The following PCBP4 variants were observed in gnomAD, a reference collection of about 807,000 sequenced individuals.
The protein encoded by PCBP4 is poly(rC) binding protein 4, also known as poly(rC)-binding protein 4.
Under a neutral mutation model 46.2 loss-of-function variants are expected in PCBP4, and 24 were observed. That is an observed-to-expected ratio of 0.52 (90% confidence interval 0.38 to 0.73). PCBP4 has a LOEUF of 0.73. Ranked by LOEUF, PCBP4 falls within the 30% of genes least tolerant of loss-of-function variation. The pLI is 0.00. For missense variants in PCBP4, 407 were observed against 537.0 expected, an observed-to-expected ratio of 0.76 and a Z score of 2.39; for synonymous variants, 203 against 224.4, an observed-to-expected ratio of 0.90 and a Z score of 0.85.
In PCBP4 at chr3:51,960,344, G is replaced by A. The variant is rs761830909; in HGVS notation, c.256-24C>T. On this transcript the variant is annotated intron_variant, in intron 6 of 13. Transcript: ENST00000461554. This position sits in a 1 kb window ranked among gnomAD's most constrained non-coding sequence, Gnocchi z 5.0. ...TCCTGGGACAGGGAGACGGTGGGTTGGCCATGCTCGTCCCTGCTATATCTG... is the reference window on the plus strand; with the variant it reads ...TCCTGGGACAGGGAGACGGTGGGTTAGCCATGCTCGTCCCTGCTATATCTG... 21 of 1,608,810 alleles carry A rather than the reference G, an allele frequency of 1.3e-5. No homozygotes were observed. Among genetic ancestry groups the A allele is most frequent in the Non-Finnish European group, 1.6e-5 (19 of 1,177,004 alleles).
chr3:51,961,702 C>T (rs1700187948), intron 2 of PCBP4: 1 of 986,408 alleles, frequency 1.0e-6, no homozygotes, highest in African/African-American at 1.7e-5. Flanking sequence ...GAAGAGGTAA[C>T]CTCTGTGGAT....
At chr3:51,964,657 G>A (rs1700332640) in intron 1 of PCBP4, among the ~76,000 whole-genome samples, 2 of 152,188 alleles carry the variant, frequency 1.3e-5, no homozygotes, top group Admixed American at 6.5e-5. Context: ...TGGTGGGGGT[G>A]GACCCTGGGC....
In PCBP4 at chr3:51,958,286, G is replaced by A. The variant is rs746288074; in HGVS notation, c.987C>T (p.Ala329=). Residue 329 remains alanine (A), a synonymous_variant, in exon 14 of 14, where the codon GCC becomes GCT. Transcript: ENST00000461554. The surrounding 1 kb of genome is among the most constrained non-coding windows in gnomAD (Gnocchi z 5.4). The part of the protein sequence containing the change: ...TPSSAPADLP[A]PFSPPLTALP... ...GGGCCGTCAGGGGTGGCGAGAAGGG[G>A]GCAGGCAGGTCTGCGGGGGCCGAGC... The A allele has an allele frequency of 6.4e-7, 1 of 1,565,804 alleles. No individual in the cohort carries two copies. Among genetic ancestry groups the A allele is most frequent in the Non-Finnish European group, 8.6e-7 (1 of 1,157,202 alleles).
At chr3:51,966,666 C>G (rs1700445483) in intron 1 of PCBP4, among the ~76,000 whole-genome samples, 1 of 152,000 alleles carries the variant, frequency 6.6e-6, no homozygotes, top group South Asian at 2.1e-4. Flanking sequence ...CCCCTGGGTG[C>G]TGGGGCCGGG....
intron 1 of PCBP4, among the ~76,000 whole-genome samples, chr3:51,962,395 G>A (rs1171727613): frequency 6.6e-6 from 1 of 151,882 alleles, no homozygotes; most frequent in Non-Finnish European, 1.5e-5. Flanking sequence ...CCTTAATCCT[G>A]CTTGGAAATC....
Position 51,958,146 on chromosome 3 carries a change from G to A in PCBP4, c.1127C>T (p.Pro376Leu), listed in dbSNP as rs779107800. 21 of 1,612,224 alleles carry A rather than the reference G, an allele frequency of 1.3e-5. No homozygotes were observed. The East Asian group carries it at 1.3e-4, about 10-fold the overall frequency. Reference protein sequence around the residue: ...LALPPASPGPPPGLAAYTAKM... With the variant: ...LALPPASPGPLPGLAAYTAKM... ...GGCAGTGTAGGCCGCCAAGCCCGGC[G>A]GCGGCCCTGGGGAAGCAGGTGGTAA... Residue 376 changes from proline to leucine, a missense_variant, in exon 14 of 14, where the codon CCG becomes CTG. Coordinates refer to ENST00000461554, the MANE Select transcript of PCBP4 (RefSeq NM_001174100.2). The surrounding 1 kb of genome is among the most constrained non-coding windows in gnomAD (Gnocchi z 5.4).
rs770759986 is a variant in PCBP4, at chr3:51,960,056, G to A, written c.388-33C>T. The A allele has an allele frequency of 1.2e-6, 2 of 1,614,216 alleles. No individual in the cohort carries two copies. The highest frequency in any genetic ancestry group is 8.5e-7 in the Non-Finnish European group (1 of 1,180,028). ...CAGAGAACAGGGGCCACTTCTGGCT[G>A]CTCCCATAACCCAGAAAAGGGCTGC... On this transcript the variant is annotated intron_variant, in intron 7 of 13. Transcript: ENST00000461554. The surrounding 1 kb of genome is among the most constrained non-coding windows in gnomAD (Gnocchi z 5.0).
chr3:51,965,799 T>A lies in PCBP4; in HGVS notation c.-213+1527A>T, dbSNP rs565596905. ...CATCCCCAGCCCTACTCCTGCCGTT[T>A]TACCAGGACTAGGAGCTCCCTAGGT... On this transcript the variant is annotated intron_variant, in intron 1 of 13. Coordinates refer to ENST00000461554, the MANE Select transcript of PCBP4 (RefSeq NM_001174100.2). Among the ~76,000 whole-genome samples, 41 of 152,280 alleles carry A rather than the reference T, an allele frequency of 2.7e-4. 1 individual carries two copies. In the South Asian group the frequency reaches 7.9e-3, roughly 29 times the overall value.
chr3:51,961,116 C>T (rs1473182127), intron 3 of PCBP4, 44 bp downstream of exon 3: 2 of 1,613,856 alleles, frequency 1.2e-6, no homozygotes, highest in Non-Finnish European at 1.7e-6. Flanking sequence ...TGAAACCCAG[C>T]CCAGCCCAGC....
rs1361908619 is a variant in PCBP4, at chr3:51,958,750, C to T, written c.923+40G>A. 6.3e-7 allele frequency: 1 copy of T among 1,589,010 alleles called. No individual in the cohort carries two copies. The highest frequency in any genetic ancestry group is 8.6e-7 in the Non-Finnish European group (1 of 1,166,908). On this transcript the variant is annotated intron_variant, in intron 13 of 13. Transcript: ENST00000461554. The surrounding 1 kb of genome is among the most constrained non-coding windows in gnomAD (Gnocchi z 5.4). The stretch of plus-strand genomic sequence containing the variant: ...CCTGCCTTTCTTGGGCACATGAGAA[C>T]CGTGACCTGCTCCCCCACTGCCGCC...
intron 2 of PCBP4, 156 bp from the exon 3 acceptor site, chr3:51,961,460 G>C (rs1700176446): frequency 1.1e-6 from 1 of 896,950 alleles, no homozygotes; most frequent in Non-Finnish European, 1.6e-6. Flanking sequence ...GGGTGCTTAT[G>C]TGTGTCTCAC....
At position 51,961,145 on chromosome 3, in the gene PCBP4, C is replaced by T. The variant is rs1700152844; in HGVS notation, c.81+15G>A. On this transcript the variant is annotated intron_variant, in intron 3 of 13. Transcript: ENST00000461554. ...GCCCAGCCTTGCCTCGCCTGGCCCT[C>T]CACCTCCCGCTCACCTTCCCGTGCA... The T allele has an allele frequency of 6.2e-7, 1 of 1,613,816 alleles. No homozygotes were observed. The highest frequency in any genetic ancestry group is 2.2e-5 in the East Asian group (1 of 44,884).
chr3:51,960,336 G>A lies in PCBP4; in HGVS notation c.256-16C>T, dbSNP rs145083851. The A allele has an allele frequency of 4.7e-4, 764 of 1,610,720 alleles. 3 individuals carry two copies. The African/African-American group carries it at 6.5e-3, about 14-fold the overall frequency. On this transcript the variant is annotated splice_polypyrimidine_tract_variant and intron_variant, in intron 6 of 13. Coordinates refer to ENST00000461554, the MANE Select transcript of PCBP4 (RefSeq NM_001174100.2). The surrounding 1 kb of genome is among the most constrained non-coding windows in gnomAD (Gnocchi z 5.0). The stretch of plus-strand genomic sequence containing the variant: ...CACAAAGGTCCTGGGACAGGGAGAC[G>A]GTGGGTTGGCCATGCTCGTCCCTGC...
In PCBP4 at chr3:51,959,885, A is replaced by G; in HGVS notation, c.516+10T>C. 1 of 1,576,290 alleles carries G rather than the reference A, an allele frequency of 6.3e-7. No homozygotes were observed. On this transcript the variant is annotated intron_variant, in intron 8 of 13. Coordinates refer to ENST00000461554, the MANE Select transcript of PCBP4 (RefSeq NM_001174100.2). This position sits in a 1 kb window ranked among gnomAD's most constrained non-coding sequence, Gnocchi z 5.6. Reference sequence around the variant, plus strand: ...CTCCTGCCCCCTCTCTCCCTGCCCCAGGGCAGCACCTCCAGGATAACAGCG... The same window carrying G: ...CTCCTGCCCCCTCTCTCCCTGCCCCGGGGCAGCACCTCCAGGATAACAGCG...
chr3:51,961,218 A>G lies in PCBP4; in HGVS notation c.23T>C (p.Leu8Pro). 6.2e-7 allele frequency: 1 copy of G among 1,612,830 alleles called. No individual in the cohort carries two copies. The highest frequency in any genetic ancestry group is 8.5e-7 in the Non-Finnish European group (1 of 1,179,964). Residue 8 changes from leucine (L) to proline (P), a missense_variant, in exon 3 of 14, where the codon CTG (leucine) becomes CCG (proline). Leu to Pro is a moderately conservative substitution (Grantham distance 98, BLOSUM62 -3). Transcript: ENST00000461554. Reference protein sequence around the residue: MSGSDGGLEEEPELSITL... With the variant: MSGSDGGPEEEPELSITL... ...GATGCTGAGCTCTGGCTCCTCCTCC[A>G]GTCCCCCGTCCGAGCCGCTCATTCT...
Position 51,959,486 on chromosome 3 carries a change from C to T in PCBP4, c.592-75G>A. 1 of 1,528,958 alleles carries T rather than the reference C, an allele frequency of 6.5e-7. No homozygotes were observed. The highest frequency in any genetic ancestry group is 8.9e-7 in the Non-Finnish European group (1 of 1,128,562). The allele number at this position is 1,528,958 out of a possible 1,614,324, so 94.7% of individuals were successfully genotyped here. A position where few individuals can be genotyped will look rare whatever the true frequency, so the allele number is the denominator to read the frequency against. ...AGCCAGAGTCACTCCTTCCCCCGTCCCTGGACCTCCAATTCCTTCTTCCAT... is the reference window on the plus strand; with the variant it reads ...AGCCAGAGTCACTCCTTCCCCCGTCTCTGGACCTCCAATTCCTTCTTCCAT... On this transcript the variant is annotated intron_variant, in intron 9 of 13. Transcript: ENST00000461554. The surrounding 1 kb of genome is among the most constrained non-coding windows in gnomAD (Gnocchi z 5.6).
At position 51,959,655 on chromosome 3, in the gene PCBP4, GA is replaced by G; in HGVS notation, c.517-5del. 1 of 1,551,522 alleles carries G rather than the reference GA, an allele frequency of 6.4e-7. No individual in the cohort carries two copies. Among genetic ancestry groups the G allele is most frequent in the South Asian group, 1.2e-5 (1 of 84,098 alleles). ...TAGTGGCTCCTTTGGGTGGGGACTG[GA>G]AGGCATAAACAGGGCTCTGTCAGGA... On this transcript the variant is annotated splice_region_variant and splice_polypyrimidine_tract_variant and intron_variant, in intron 8 of 13. Transcript: ENST00000461554. This position sits in a 1 kb window ranked among gnomAD's most constrained non-coding sequence, Gnocchi z 5.6.
At position 51,961,266 on chromosome 3, in the gene PCBP4, G is replaced by A; in HGVS notation, c.-26C>T. 1 of 1,606,462 alleles carries A rather than the reference G, an allele frequency of 6.2e-7. No individual in the cohort carries two copies. Among genetic ancestry groups the A allele is most frequent in the Non-Finnish European group, 8.5e-7 (1 of 1,178,784 alleles). On this transcript the variant is annotated 5_prime_UTR_variant, in exon 3 of 14. Transcript: ENST00000461554. ...TCTGTCAGGCGAGGCTGGGGCCACAGCGACCTGCGAGTGTGTCCGCGCTGC... is the reference window on the plus strand; with the variant it reads ...TCTGTCAGGCGAGGCTGGGGCCACAACGACCTGCGAGTGTGTCCGCGCTGC...
rs767718245 is a variant in PCBP4 at position 51,960,251 on chromosome 3, G to A, written c.325C>T (p.Pro109Ser). Residue 109 changes from proline to serine, a missense_variant, in exon 7 of 14, where the codon CCT (proline) becomes TCT (serine). Pro to Ser is a moderately conservative substitution (Grantham distance 74). Coordinates refer to ENST00000461554, the MANE Select transcript of PCBP4 (RefSeq NM_001174100.2). The surrounding 1 kb of genome is among the most constrained non-coding windows in gnomAD (Gnocchi z 5.0). ...ATCAGTGAGCCACACTGACTGGCAG[G>A]GATGACAAGGCGCAGGGTCACTGGA... is the stretch of plus-strand genomic sequence containing the variant. Reference protein sequence around the residue: ...RPPVTLRLVIPASQCGSLIGK... With the variant: ...RPPVTLRLVISASQCGSLIGK... 3.1e-6 allele frequency: 5 copies of A among 1,613,980 alleles called. No homozygotes were observed. The highest frequency in any genetic ancestry group is 1.1e-5 in the South Asian group (1 of 91,084).
Sources: allele counts gnomAD v4.1 joint callset (sites outside exome capture counted in the v4.1 genomes callset), GRCh38; gene constraint gnomAD v4.1.1; non-coding constraint Gnocchi (gnomAD v3.1); transcripts MANE v1.5; gene names NCBI Gene and HGNC (gene_info 2026-07-23, HGNC 2026-07-21).